Variants in TOR1AIP1 observed in about 807,000 individuals in gnomAD.
TOR1AIP1 encodes the protein torsin-1A-interacting protein 1.
A neutral mutation model predicts 63.3 loss-of-function variants in TOR1AIP1; 54 were observed. The ratio of observed to expected loss-of-function variants is 0.85; its 90% CI spans 0.69 to 1.07. The LOEUF is 1.07. Among genes scored for constraint, TOR1AIP1 ranks in the 50% least tolerant of loss-of-function variants. The pLI is 0.00. For missense variants in TOR1AIP1, 736 were observed against 715.0 expected, an observed-to-expected ratio of 1.03 and a Z score of -0.33; for synonymous variants, 294 against 273.5, an observed-to-expected ratio of 1.07 and a Z score of -0.74.
intron 6 of TOR1AIP1, among the ~76,000 whole-genome samples, chr1:179,905,693 C>G (rs1411633125): frequency 2.0e-5 from 3 of 152,158 alleles, no homozygotes; most frequent in African/African-American, 7.2e-5. Context: ...TGGCTCACAC[C>G]TGTAATCCCA....
chr1:179,910,479 A>C (rs1314486628), intron 8 of TOR1AIP1, among the ~76,000 whole-genome samples: 1 of 152,176 alleles, frequency 6.6e-6, no homozygotes, highest in Admixed American at 6.6e-5. Flanking sequence ...TGAGTTCTTA[A>C]GCAGTCTAGA....
chr1:179,906,960 A>T (rs947498474), intron 6 of TOR1AIP1, among the ~76,000 whole-genome samples: 1 of 151,446 alleles, frequency 6.6e-6, no homozygotes, highest in African/African-American at 2.4e-5. Flanking sequence ...GATGGTCTCG[A>T]TCTCCTGACC....
At position 179,919,090 on chromosome 1, in the gene TOR1AIP1, C is replaced by G. The variant is rs534800531; in HGVS notation, c.*851C>G. ...ACCAGCCTGGCCAACATGGTGAAAC[C>G]CCGTCTCTACTAAAAATACAAAAAT... is the stretch of plus-strand genomic sequence containing the variant. On this transcript the variant is annotated 3_prime_UTR_variant, in exon 10 of 10. Transcript: ENST00000606911. 1 of 152,166 alleles carries G rather than the reference C, an allele frequency of 6.6e-6. No homozygotes were observed. The highest frequency in any genetic ancestry group is 1.9e-4 in the East Asian group (1 of 5,166). The allele number at this position is 152,166 out of a possible 1,614,324, so 9.4% of individuals were successfully genotyped here.
intron 2 of TOR1AIP1, among the ~76,000 whole-genome samples, chr1:179,887,158 G>A (rs1003181347): frequency 6.6e-6 from 1 of 152,198 alleles, no homozygotes; most frequent in African/African-American, 2.4e-5. Flanking sequence ...CCAGCACTTT[G>A]GGAGGCCAAG....
In TOR1AIP1 at chr1:179,900,148, G is replaced by A. The variant is rs758417719; in HGVS notation, c.633G>A (p.Lys211=). Residue 211 remains lysine (K), a synonymous_variant, in exon 4 of 10, where the codon AAG becomes AAA. Transcript: ENST00000606911. ...TAGAAGCCACCAGTGTCCAACAGAA[G>A]GTCAATTTCTCTGAAGAAGGTATTT... ...PRYEATSVQQ[K]VNFSEEGETE... 1.2e-5 allele frequency: 19 copies of A among 1,605,104 alleles called. No individual in the cohort carries two copies. The highest frequency in any genetic ancestry group is 2.2e-4 in the Middle Eastern group (1 of 4,514).
chr1:179,883,962 G>C (rs541314887), intron 1 of TOR1AIP1: 2 of 210,974 alleles, frequency 9.5e-6, no homozygotes, highest in Non-Finnish European at 2.0e-5. Context: ...CTATTGATAG[G>C]CGGAGGAGTG....
chr1:179,907,901 C>T, intron 7 of TOR1AIP1, 37 bp downstream of exon 7: 1 of 830,596 alleles, frequency 1.2e-6, no homozygotes, highest in Non-Finnish European at 1.9e-6. Context: ...TTCAGCCAAT[C>T]AATTCTTTTC....
chr1:179,912,446 G>A (rs993302826), intron 8 of TOR1AIP1, among the ~76,000 whole-genome samples: 2 of 152,148 alleles, frequency 1.3e-5, no homozygotes, highest in African/African-American at 2.4e-5. Context: ...TGCTGTGTAT[G>A]TGTTTGTGTT....
chr1:179,911,705 T>G (rs558931078), intron 8 of TOR1AIP1, among the ~76,000 whole-genome samples: 26 of 152,368 alleles, frequency 1.7e-4, no homozygotes, highest in African/African-American at 6.2e-4. Context: ...TGAGTAATCT[T>G]GGTAAAATCA....
intron 9 of TOR1AIP1, 62 bp from the exon 10 acceptor site, chr1:179,917,390 C>T (rs1649053510): frequency 5.7e-6 from 8 of 1,402,550 alleles, no homozygotes; most frequent in Non-Finnish European, 6.8e-6. Context: ...TTTTAAAAGT[C>T]ACTTGCCCCT....
chr1:179,905,491 T>A (rs1225731772), intron 6 of TOR1AIP1, among the ~76,000 whole-genome samples: 1 of 152,218 alleles, frequency 6.6e-6, no homozygotes, highest in Non-Finnish European at 1.5e-5. Flanking sequence ...TCTGGGTTTG[T>A]GACTATAAAA....
intron 6 of TOR1AIP1, chr1:179,904,771 C>T (rs919114391): frequency 4.6e-5 from 7 of 152,112 alleles, no homozygotes; most frequent in Non-Finnish European, 7.3e-5. Context: ...ACTACAGGCA[C>T]GTGCTACCAT....
At chr1:179,903,698 G>A (rs892831972) in intron 5 of TOR1AIP1, among the ~76,000 whole-genome samples, 4 of 152,012 alleles carry the variant, frequency 2.6e-5, no homozygotes, top group Non-Finnish European at 4.4e-5. Context: ...TAGTGGAGAC[G>A]GGGTTTCACC....
At chr1:179,908,724 T>C (rs964977612) in intron 8 of TOR1AIP1, 51 bp downstream of exon 8, 3 of 1,480,220 alleles carry the variant, frequency 2.0e-6, no homozygotes, top group Non-Finnish European at 2.8e-6. Context: ...TTTGCTATGT[T>C]TTTCTTGACA....
chr1:179,917,656 G>C lies in TOR1AIP1; in HGVS notation c.1169G>C (p.Ser390Thr). ...QGQDEKLWKR[S>T]QTFLEKHLNS... ...CAAGATGAGAAGCTGTGGAAAAGGAGCCAAACATTCCTGGAAAAACATCTT... is the reference window on the plus strand; with the variant it reads ...CAAGATGAGAAGCTGTGGAAAAGGACCCAAACATTCCTGGAAAAACATCTT... Residue 390 changes from serine to threonine, a missense_variant, in exon 10 of 10, where the codon AGC (serine) becomes ACC (threonine). Around this residue, in one of 2 missense-constraint regions of TOR1AIP1, gnomAD observed 272 missense variants for 344.1 expected, o/e 0.79. Transcript: ENST00000606911. 6.2e-7 allele frequency: 1 copy of C among 1,614,172 alleles called. No individual in the cohort carries two copies. Among genetic ancestry groups the C allele is most frequent in the Non-Finnish European group, 8.5e-7 (1 of 1,180,032 alleles).
intron 3 of TOR1AIP1, among the ~76,000 whole-genome samples, chr1:179,890,918 C>T (rs1172190327): frequency 2.6e-5 from 4 of 152,178 alleles, no homozygotes; most frequent in Non-Finnish European, 5.9e-5. Flanking sequence ...CTGCGCCCAA[C>T]CCTATCTCTA....
intron 2 of TOR1AIP1, among the ~76,000 whole-genome samples, chr1:179,887,560 AGTT>A (rs1269479451): frequency 6.6e-6 from 1 of 152,208 alleles, no homozygotes; most frequent in Non-Finnish European, 1.5e-5. Context: ...TCCATAATTG[AGTT>A]GTTTTCACTT....
chr1:179,904,151 T>C, intron 6 of TOR1AIP1, 129 bp downstream of exon 6: 1 of 644,038 alleles, frequency 1.6e-6, no homozygotes, highest in Non-Finnish European at 2.5e-6. Flanking sequence ...AAAAAAAAAC[T>C]TATCCGATAT....
chr1:179,901,091 T>C (rs1275816415), intron 4 of TOR1AIP1, among the ~76,000 whole-genome samples: 2 of 152,244 alleles, frequency 1.3e-5, no homozygotes, highest in South Asian at 2.1e-4. Context: ...AGGAAAGTAT[T>C]ATGTGCCCCA....
Sources: allele counts gnomAD v4.1 joint callset (sites outside exome capture counted in the v4.1 genomes callset), GRCh38; gene constraint gnomAD v4.1.1; regional missense constraint gnomAD v4.1.1; transcripts MANE v1.5; gene names NCBI Gene and HGNC (gene_info 2026-07-23, HGNC 2026-07-21).